Variants in ARID3B observed in about 807,000 individuals in gnomAD.
ARID3B encodes the protein AT-rich interaction domain 3B.
A neutral mutation model predicts 51.9 loss-of-function variants in ARID3B; 10 were observed. That is an observed-to-expected ratio of 0.19 (90% CI 0.12 to 0.33). The LOEUF (loss-of-function observed/expected upper bound fraction) is 0.33. ARID3B is among the 10% of genes least tolerant of loss of function. ARID3B has a pLI of 1.00. For synonymous variants in ARID3B, 205 were observed against 279.5 expected, an observed-to-expected ratio of 0.73 and a Z score of 2.66; for missense variants, 483 against 716.3, an observed-to-expected ratio of 0.67 and a Z score of 3.72.
intron 2 of ARID3B, among the ~76,000 whole-genome samples, chr15:74,561,819 A>G (rs1048964114): frequency 1.3e-5 from 2 of 152,228 alleles, no homozygotes; most frequent in African/African-American, 2.4e-5. Flanking sequence ...TACAAAAGCC[A>G]TGCACACTCA....
chr15:74,553,480 C>T (rs577867459), intron 2 of ARID3B, among the ~76,000 whole-genome samples: 1 of 152,310 alleles, frequency 6.6e-6, no homozygotes, highest in South Asian at 2.1e-4. Context: ...TCATTGTTGG[C>T]TAGTACTAAA....
chr15:74,544,167 A>G lies in ARID3B; in HGVS notation c.231A>G (p.Ala77=). The change falls in exon 2 of 9, where the codon GCA becomes GCG. Residue 77 remains alanine (A), a synonymous_variant. Coordinates refer to ENST00000346246, the MANE Select transcript of ARID3B (RefSeq NM_006465.4). ...TAGCCAGAGTTCCACCCACCGCAGC[A>G]GTGGCCCAAGTGTTTGAACGGGGCA... The part of the protein sequence containing the change: ...GPLARVPPTA[A]VAQVFERGNM... 6.2e-7 allele frequency: 1 copy of G among 1,613,898 alleles called. No homozygotes were observed.
chr15:74,596,726 TTGA>T lies in ARID3B; in HGVS notation c.*955_*957del, dbSNP rs561210584. 8.6e-6 allele frequency: 2 copies of T among 233,620 alleles called. No individual in the cohort carries two copies. 14.5% of individuals were successfully genotyped at this position (233,620 alleles called of 1,614,324 possible). ...TTGAAATACCTCAGATTTGTAATTG[TTGA>T]TGTTTGAGTCTTCAGGAAGTATTTG... On this transcript the variant is annotated 3_prime_UTR_variant, in exon 9 of 9. Transcript: ENST00000346246.
chr15:74,550,274 C>T (rs1269209814), intron 2 of ARID3B, among the ~76,000 whole-genome samples: 3 of 152,126 alleles, frequency 2.0e-5, no homozygotes, highest in Admixed American at 2.0e-4. Flanking sequence ...TATGAGAGAG[C>T]TTGGTTGCCC....
At chr15:74,581,488 A>G (rs906505284) in intron 4 of ARID3B, among the ~76,000 whole-genome samples, 4 of 152,202 alleles carry the variant, frequency 2.6e-5, no homozygotes, top group Admixed American at 2.6e-4. Context: ...TTTTCAGACG[A>G]TATAGGCTTT....
chr15:74,577,106 G>A (rs1837999868), intron 4 of ARID3B, among the ~76,000 whole-genome samples: 1 of 152,132 alleles, frequency 6.6e-6, no homozygotes, highest in South Asian at 2.1e-4. Context: ...ATAGTGTAGA[G>A]GTTGTTATTC....
intron 8 of ARID3B, among the ~76,000 whole-genome samples, chr15:74,593,726 A>G (rs1239924391): frequency 6.6e-6 from 1 of 152,192 alleles, no homozygotes; most frequent in African/African-American, 2.4e-5. Flanking sequence ...GCACCTTTAC[A>G]GAGTCTTTCT....
At chr15:74,578,438 G>GT (rs1422904050) in intron 4 of ARID3B, among the ~76,000 whole-genome samples, 5 of 152,166 alleles carry the variant, frequency 3.3e-5, no homozygotes, top group Admixed American at 6.5e-5. Context: ...GCCTCCTAAA[G>GT]TGTTAGGATT....
At chr15:74,564,934 G>T (rs954891451) in intron 2 of ARID3B, among the ~76,000 whole-genome samples, 2 of 151,988 alleles carry the variant, frequency 1.3e-5, no homozygotes, top group African/African-American at 4.8e-5. Context: ...ATTACTTTGA[G>T]GTTCAGGTCC....
intron 2 of ARID3B, among the ~76,000 whole-genome samples, chr15:74,545,353 A>G (rs2061611839): frequency 6.6e-6 from 1 of 152,248 alleles, no homozygotes; most frequent in South Asian, 2.1e-4. Context: ...GTAGACCTCA[A>G]AATTTCCTTT....
intron 8 of ARID3B, among the ~76,000 whole-genome samples, chr15:74,593,593 G>A (rs1335944284): frequency 6.7e-6 from 1 of 150,042 alleles, no homozygotes; most frequent in East Asian, 2.1e-4. Flanking sequence ...CTGAGACACA[G>A]GCAAAGGAAC....
intron 2 of ARID3B, among the ~76,000 whole-genome samples, chr15:74,555,953 G>T (rs1286898845): frequency 1.3e-5 from 2 of 151,606 alleles, no homozygotes; most frequent in Non-Finnish European, 1.5e-5. Context: ...CAGCATGCCC[G>T]GCTAATTTTT....
chr15:74,570,833 C>T (rs1334648865), intron 2 of ARID3B, among the ~76,000 whole-genome samples: 1 of 152,234 alleles, frequency 6.6e-6, no homozygotes, highest in Non-Finnish European at 1.5e-5. Flanking sequence ...CACCAGATGA[C>T]ACCAGATTTC....
At chr15:74,561,534 G>C (rs2061679445) in intron 2 of ARID3B, among the ~76,000 whole-genome samples, 1 of 152,214 alleles carries the variant, frequency 6.6e-6, no homozygotes. Flanking sequence ...CTAAGAAAGT[G>C]AGGCAGTTAT....
chr15:74,569,499 A>G (rs2061711882), intron 2 of ARID3B, among the ~76,000 whole-genome samples: 2 of 152,196 alleles, frequency 1.3e-5, no homozygotes, highest in African/African-American at 4.8e-5. Context: ...ACGCAGGAGA[A>G]TCGCCTGAAC....
chr15:74,549,026 C>T (rs1396771951), intron 2 of ARID3B, among the ~76,000 whole-genome samples: 1 of 152,068 alleles, frequency 6.6e-6, no homozygotes, highest in East Asian at 1.9e-4. Context: ...GTCCAGAAGC[C>T]ATCCCTCTAA....
chr15:74,593,061 G>A (rs576584512), intron 7 of ARID3B, 77 bp from the exon 8 acceptor site: 4 of 1,314,018 alleles, frequency 3.0e-6, no homozygotes, highest in African/African-American at 1.5e-5. Flanking sequence ...ACCAGGGGTG[G>A]CCAGGCAGCA....
intron 4 of ARID3B, among the ~76,000 whole-genome samples, chr15:74,588,491 G>A (rs79884177): frequency 0.011 from 1,691 of 152,282 alleles, 23 homozygotes; most frequent in African/African-American, 0.039. Context: ...CGAGACTGGG[G>A]CAATGGGAGG....
intron 2 of ARID3B, among the ~76,000 whole-genome samples, chr15:74,547,462 C>T (rs1303655271): frequency 6.6e-6 from 1 of 151,872 alleles, no homozygotes; most frequent in East Asian, 1.9e-4. Context: ...GGATTACAGG[C>T]GTGAGCCACC....
Sources: allele counts gnomAD v4.1 joint callset (sites outside exome capture counted in the v4.1 genomes callset), GRCh38; gene constraint gnomAD v4.1.1; transcripts MANE v1.5; gene names NCBI Gene and HGNC (gene_info 2026-07-23, HGNC 2026-07-21).